The following TRIM55 variants were observed in gnomAD, a reference collection of about 807,000 sequenced individuals.
TRIM55 encodes tripartite motif-containing protein 55.
In TRIM55, 50 loss-of-function variants were observed where a neutral mutation model predicts 60.9. That is an observed-to-expected ratio of 0.82 (90% CI 0.65 to 1.04). TRIM55 has a LOEUF of 1.04. Ranked by LOEUF, TRIM55 falls within the 50% of genes least tolerant of loss-of-function variation. The probability of loss-of-function intolerance (pLI) is 0.00; values close to 1 mark genes in which losing one functional copy is unlikely to be tolerated. For synonymous variants in TRIM55, 237 were observed against 238.1 expected, an observed-to-expected ratio of 1.00 and a Z score of 0.04; for missense variants, 681 against 666.9, an observed-to-expected ratio of 1.02 and a Z score of -0.23.
chr8:66,149,210 T>C (rs988804682), intron 4 of TRIM55, among the ~76,000 whole-genome samples: 2 of 152,136 alleles, frequency 1.3e-5, no homozygotes, highest in Non-Finnish European at 2.9e-5. Flanking sequence ...ACTAGGACAA[T>C]ATTGGTATAG....
chr8:66,117,491 GCT>G, the TRIM55 span, among the ~76,000 whole-genome samples: 3 of 152,074 alleles, frequency 2.0e-5, no homozygotes, highest in Non-Finnish European at 4.4e-5. Context: ...CATGTATATG[GCT>G]CATATTTGTC....
the TRIM55 span, among the ~76,000 whole-genome samples, chr8:66,115,663 A>C: frequency 6.6e-6 from 1 of 152,236 alleles, no homozygotes; most frequent in Non-Finnish European, 1.5e-5. Context: ...TCAAAGGTAC[A>C]AATCAGGAAG....
chr8:66,151,897 A>AAAT (rs1563380732), intron 7 of TRIM55, among the ~76,000 whole-genome samples: 10 of 148,762 alleles, frequency 6.7e-5, no homozygotes, highest in Non-Finnish European at 1.3e-4. Flanking sequence ...AATAAATAAA[A>AAAT]GAGTCGTGAC....
intron 4 of TRIM55, among the ~76,000 whole-genome samples, chr8:66,148,239 A>T (rs1810212684): frequency 6.6e-6 from 1 of 152,218 alleles, no homozygotes; most frequent in Admixed American, 6.5e-5. Flanking sequence ...ATTAATTATG[A>T]TTTAAAGATG....
the TRIM55 span, chr8:66,113,517 C>T: frequency 2.2e-6 from 1 of 456,254 alleles, no homozygotes; most frequent in Non-Finnish European, 4.4e-6. Flanking sequence ...CCTTGGGTGC[C>T]TTCAGTGACA....
At chr8:66,146,679 C>T (rs1017589102) in intron 4 of TRIM55, among the ~76,000 whole-genome samples, 3 of 152,182 alleles carry the variant, frequency 2.0e-5, no homozygotes, top group Admixed American at 2.0e-4. Flanking sequence ...TTCATGTGTA[C>T]AGTGGGCACC....
chr8:66,113,734 C>A, the TRIM55 span: 11 of 362,872 alleles, frequency 3.0e-5, no homozygotes, highest in Admixed American at 2.0e-4. Context: ...ATTGCCCGGG[C>A]CCCGAGTCAC....
chr8:66,126,911 T>C, upstream of TRIM55: 1 of 185,584 alleles, frequency 5.4e-6, no homozygotes, highest in Non-Finnish European at 1.1e-5. Flanking sequence ...TGTTGACAAC[T>C]GTCAGCTTCG....
upstream of TRIM55, among the ~76,000 whole-genome samples, chr8:66,124,415 A>C (rs571819091): frequency 6.6e-6 from 1 of 152,300 alleles, no homozygotes; most frequent in South Asian, 2.1e-4. Flanking sequence ...ACTCCAGCTC[A>C]AGCCACCGTG....
intron 9 of TRIM55, among the ~76,000 whole-genome samples, chr8:66,154,700 TG>T (rs1810643669): frequency 6.6e-6 from 1 of 152,208 alleles, no homozygotes; most frequent in Admixed American, 6.5e-5. Context: ...CAGCCTTCCC[TG>T]TGTCCTCCTT....
intron 9 of TRIM55, among the ~76,000 whole-genome samples, chr8:66,161,996 T>C (rs1811079007): frequency 6.6e-6 from 1 of 152,114 alleles, no homozygotes; most frequent in Non-Finnish European, 1.5e-5. Flanking sequence ...CTTTACCAAT[T>C]TGGATGCCTT....
chr8:66,149,852 G>A lies in TRIM55; in HGVS notation c.811G>A (p.Glu271Lys), dbSNP rs562930140. 8 of 1,614,000 alleles carry A rather than the reference G, an allele frequency of 5.0e-6. No homozygotes were observed. Among genetic ancestry groups the A allele is most frequent in the Non-Finnish European group, 6.8e-6 (8 of 1,179,892 alleles). ...TGAGTCAGGAATTCAGTTTATGGAT[G>A]AGCCAGAAATGGCAGTGTTTCTGCA... ...LVESGIQFMD[E>K]PEMAVFLQNA... Residue 271 changes from glutamate to lysine, a missense_variant, in exon 5 of 10, where the codon GAG becomes AAG. By Grantham distance (56) the Glu-to-Lys change is moderately conservative (BLOSUM62 1). Coordinates refer to ENST00000315962, the MANE Select transcript of TRIM55 (RefSeq NM_184085.2).
chr8:66,142,362 T>C (rs1195601030), intron 4 of TRIM55, among the ~76,000 whole-genome samples: 1 of 152,218 alleles, frequency 6.6e-6, no homozygotes, highest in Non-Finnish European at 1.5e-5. Flanking sequence ...ACTTCCGTTA[T>C]TTATCTAAGA....
intron 7 of TRIM55, among the ~76,000 whole-genome samples, chr8:66,151,269 C>T (rs1181005010): frequency 6.6e-6 from 1 of 152,160 alleles, no homozygotes; most frequent in African/African-American, 2.4e-5. Flanking sequence ...TGAGCTATAA[C>T]CACATTCCTA....
In TRIM55 at chr8:66,152,482, CAG is replaced by C. The variant is rs765119825; in HGVS notation, c.1094_1095del (p.Glu365ValfsTer6). 5 of 1,614,050 alleles carry C rather than the reference CAG, an allele frequency of 3.1e-6. No homozygotes were observed. The highest frequency in any genetic ancestry group is 4.2e-6 in the Non-Finnish European group (5 of 1,180,030). On this transcript the variant is annotated frameshift_variant, in exon 8 of 10. Transcript: ENST00000315962. LOFTEE classifies it high-confidence loss of function. ...GTGGAAGAGGTAGAAAATGTTCAAA[CAG>C]AGTTTCCAGGAGAAGATGAAAACCC...
chr8:66,132,604 G>A (rs371465171), intron 2 of TRIM55, among the ~76,000 whole-genome samples: 1 of 152,278 alleles, frequency 6.6e-6, no homozygotes, highest in African/African-American at 2.4e-5. Flanking sequence ...TACACTGAAC[G>A]GTGAGGGGCC....
At chr8:66,173,715 T>C (rs551162025) in intron 9 of TRIM55, among the ~76,000 whole-genome samples, 135 of 152,334 alleles carry the variant, frequency 8.9e-4, no homozygotes, top group Non-Finnish European at 1.1e-3. Context: ...TTCCTGATTG[T>C]CCCTCATTCC....
At chr8:66,147,212 T>C (rs1810138859) in intron 4 of TRIM55, among the ~76,000 whole-genome samples, 1 of 152,172 alleles carries the variant, frequency 6.6e-6, no homozygotes, top group Non-Finnish European at 1.5e-5. Flanking sequence ...ATCCCCAGAG[T>C]CTTGACACAA....
intron 2 of TRIM55, among the ~76,000 whole-genome samples, chr8:66,131,348 CAG>C (rs963235190): frequency 6.6e-6 from 1 of 152,222 alleles, no homozygotes; most frequent in African/African-American, 2.4e-5. Flanking sequence ...CCTCATTCCC[CAG>C]AGTCAACCAC....
Sources: allele counts gnomAD v4.1 joint callset (sites outside exome capture counted in the v4.1 genomes callset), GRCh38; gene constraint gnomAD v4.1.1; transcripts MANE v1.5; gene names NCBI Gene and HGNC (gene_info 2026-07-23, HGNC 2026-07-21).